The following DLGAP2 variants were observed in gnomAD, a reference collection of about 807,000 sequenced individuals.
DLGAP2 encodes DLG associated protein 2.
DLGAP2 carries 26 observed loss-of-function variants against 100.3 expected under a neutral mutation model. The observed-to-expected ratio is 0.26, with a 90% CI of 0.19 to 0.36. The LOEUF is 0.36. Ranked by LOEUF, DLGAP2 falls within the 10% of genes least tolerant of loss-of-function variation. The pLI is 1.00. For synonymous variants in DLGAP2, 886 were observed against 630.1 expected (o/e 1.41, Z -6.08); for missense variants, 1,858 against 1,453.2 (o/e 1.28, Z -4.53).
rs577600022 is a variant in DLGAP2, at chr8:1,392,324, C to G, written c.107-109042C>G. On this transcript the variant is annotated intron_variant, in intron 3 of 14. Transcript: ENST00000637795. The stretch of plus-strand genomic sequence containing the variant: ...TTGAGGCGCCATCTGGATCCAGGGT[C>G]GAGGTGCAGGGTTACCCGTTACCTG... Among the ~76,000 whole-genome samples the G allele has an allele frequency of 1.2e-4, 19 of 152,230 alleles. No homozygotes were observed. In the East Asian group the frequency reaches 3.5e-3, roughly 28 times the overall value.
At chr8:1,666,743 G>A (rs1186600479) in intron 8 of DLGAP2, among the ~76,000 whole-genome samples, 1 of 152,082 alleles carries the variant, frequency 6.6e-6, no homozygotes. Context: ...TAAAGCACAG[G>A]TCATCCTGAA....
At chr8:838,158 T>C (rs1214402752) in intron 1 of DLGAP2, among the ~76,000 whole-genome samples, 1 of 152,102 alleles carries the variant, frequency 6.6e-6, no homozygotes, top group Non-Finnish European at 1.5e-5. Flanking sequence ...AAACATACTT[T>C]ACAATAATTT....
intron 1 of DLGAP2, among the ~76,000 whole-genome samples, chr8:792,359 C>G (rs909639609): frequency 6.6e-6 from 1 of 152,082 alleles, no homozygotes; most frequent in Non-Finnish European, 1.5e-5. Context: ...TTATTTTTCC[C>G]TTCCTAATAT....
intron 1 of DLGAP2, among the ~76,000 whole-genome samples, chr8:884,746 G>A (rs1196024202): frequency 6.6e-6 from 1 of 152,114 alleles, no homozygotes; most frequent in Non-Finnish European, 1.5e-5. Context: ...TTTTCTTCTA[G>A]GATTTTTATC....
At chr8:754,312 A>T (rs758785580) in intron 1 of DLGAP2, 1 of 152,236 alleles carries the variant, frequency 6.6e-6, no homozygotes, top group Non-Finnish European at 1.5e-5. Context: ...CCACACTGAC[A>T]TGGACAGATT....
chr8:1,351,534 T>C lies in DLGAP2; in HGVS notation c.106+92651T>C, dbSNP rs112419656. Among the ~76,000 whole-genome samples, 30 of 31,590 alleles carry C rather than the reference T, an allele frequency of 9.5e-4. 2 individuals carry two copies. The highest frequency in any genetic ancestry group is 4.5e-3 in the South Asian group (1 of 222). The allele number at this position is 31,590 out of a possible 152,430, so 20.7% of individuals were successfully genotyped here. ...CCTGACTGTGTGTGGAAAGGCCGTGTGGGTCCTGACTGTGTGTGGAAAGGA... is the reference window on the plus strand; with the variant it reads ...CCTGACTGTGTGTGGAAAGGCCGTGCGGGTCCTGACTGTGTGTGGAAAGGA... On this transcript the variant is annotated intron_variant, in intron 3 of 14. Coordinates refer to ENST00000637795, the MANE Select transcript of DLGAP2 (RefSeq NM_001346810.2).
At chr8:1,635,598 CAA>C (rs1797747686) in intron 8 of DLGAP2, among the ~76,000 whole-genome samples, 1 of 151,964 alleles carries the variant, frequency 6.6e-6, no homozygotes, top group Admixed American at 6.6e-5. Flanking sequence ...AAAATAATTC[CAA>C]AGAGTTATTT....
chr8:883,244 C>G (rs1797847525), intron 1 of DLGAP2: 1 of 152,284 alleles, frequency 6.6e-6, no homozygotes, highest in African/African-American at 2.4e-5. Context: ...AGTGACCGTT[C>G]TCTTGGCAGC....
intron 3 of DLGAP2, among the ~76,000 whole-genome samples, chr8:1,303,050 C>T (rs1800396638): frequency 6.6e-6 from 1 of 152,182 alleles, no homozygotes; most frequent in Admixed American, 6.5e-5. Context: ...TGTTCCTGGA[C>T]TCCACCTCGC....
At position 1,632,817 on chromosome 8, in the gene DLGAP2, A is replaced by G. The variant is rs933066417; in HGVS notation, c.1591-10A>G. On this transcript the variant is annotated splice_polypyrimidine_tract_variant and intron_variant, in intron 7 of 14. Coordinates refer to ENST00000637795, the MANE Select transcript of DLGAP2 (RefSeq NM_001346810.2). Reference sequence around the variant, plus strand: ...GGCCGGGGCATCACGTGTGCTGTTGATGATTGCAGGTGAGCGAGGCGGAGA... The same window carrying G: ...GGCCGGGGCATCACGTGTGCTGTTGGTGATTGCAGGTGAGCGAGGCGGAGA... 2 of 1,597,906 alleles carry G rather than the reference A, an allele frequency of 1.3e-6. No individual in the cohort carries two copies. Among genetic ancestry groups the G allele is most frequent in the Non-Finnish European group, 1.7e-6 (2 of 1,170,678 alleles).
intron 2 of DLGAP2, among the ~76,000 whole-genome samples, chr8:926,396 C>T (rs1042874239): frequency 4.6e-5 from 7 of 152,200 alleles, no homozygotes; most frequent in Admixed American, 3.9e-4. Flanking sequence ...GTGGCCCTGG[C>T]CCTGTGGCAG....
At chr8:1,001,177 A>G (rs1800945128) in intron 2 of DLGAP2, among the ~76,000 whole-genome samples, 1 of 152,120 alleles carries the variant, frequency 6.6e-6, no homozygotes, top group African/African-American at 2.4e-5. Context: ...GCTATAGATA[A>G]TGTTTTTGGA....
intron 2 of DLGAP2, among the ~76,000 whole-genome samples, chr8:1,087,700 T>G (rs543513108): frequency 6.6e-6 from 1 of 152,224 alleles, no homozygotes; most frequent in Admixed American, 6.5e-5. Context: ...CATCTCCAAA[T>G]TGTCAGAGCC....
chr8:1,101,676 AACACGACACGACG>A (rs1804585566), intron 2 of DLGAP2, among the ~76,000 whole-genome samples: 1 of 151,176 alleles, frequency 6.6e-6, no homozygotes, highest in African/African-American at 2.4e-5. Context: ...CCCTGAGCCG[AACACGACACGACG>A]ATGGGAAGGT....
At chr8:1,345,130 G>A (rs912754393) in intron 3 of DLGAP2, among the ~76,000 whole-genome samples, 16 of 152,184 alleles carry the variant, frequency 1.1e-4, no homozygotes, top group Admixed American at 7.9e-4. Flanking sequence ...GACATAATTC[G>A]GTTTTGGTAC....
intron 4 of DLGAP2, among the ~76,000 whole-genome samples, chr8:1,520,368 T>A (rs933907584): frequency 6.6e-6 from 1 of 152,240 alleles, no homozygotes; most frequent in African/African-American, 2.4e-5. Context: ...GTTTCCCGTG[T>A]TCTTCACCCC....
intron 3 of DLGAP2, among the ~76,000 whole-genome samples, chr8:1,371,909 G>C (rs1386484482): frequency 6.6e-6 from 1 of 152,222 alleles, no homozygotes; most frequent in Non-Finnish European, 1.5e-5. Flanking sequence ...CAGAGTGCAG[G>C]GCCCTTTTCA....
At chr8:988,853 C>G (rs147033342) in intron 2 of DLGAP2, among the ~76,000 whole-genome samples, 1 of 152,192 alleles carries the variant, frequency 6.6e-6, no homozygotes, top group Non-Finnish European at 1.5e-5. Context: ...GGTGGCACTG[C>G]TGTCCCACAG....
At chr8:1,433,061 G>A (rs1387830153) in intron 3 of DLGAP2, among the ~76,000 whole-genome samples, 1 of 152,158 alleles carries the variant, frequency 6.6e-6, no homozygotes, top group African/African-American at 2.4e-5. Flanking sequence ...TAGTCCCAGG[G>A]CACTTAACAT....
Sources: allele counts gnomAD v4.1 joint callset (sites outside exome capture counted in the v4.1 genomes callset), GRCh38; gene constraint gnomAD v4.1.1; transcripts MANE v1.5; gene names NCBI Gene and HGNC (gene_info 2026-07-23, HGNC 2026-07-21).